Variants in PRELID2 observed in about 807,000 individuals in gnomAD.
PRELID2 encodes the protein PRELI domain containing 2.
In PRELID2, 25 loss-of-function variants were observed where a neutral mutation model predicts 28.4. The ratio of observed to expected loss-of-function variants is 0.88; its 90% CI spans 0.64 to 1.23. The LOEUF (loss-of-function observed/expected upper bound fraction) is 1.23. Ranked by LOEUF, PRELID2 falls within the 50% of genes most tolerant of loss-of-function variation. The pLI is 0.00. For missense variants in PRELID2, 201 were observed against 214.4 expected (o/e 0.94, Z 0.39); for synonymous variants, 76 against 71.6 (o/e 1.06, Z -0.31).
At chr5:145,509,938 T>C (rs1231406513) in intron 1 of PRELID2, among the ~76,000 whole-genome samples, 2 of 152,148 alleles carry the variant, frequency 1.3e-5, no homozygotes, top group East Asian at 3.9e-4. Flanking sequence ...AGGCATTTGA[T>C]AAACTGCACC....
chr5:145,707,445 A>C (rs1363441175), intron 1 of PRELID2, among the ~76,000 whole-genome samples: 1 of 152,194 alleles, frequency 6.6e-6, no homozygotes, highest in African/African-American at 2.4e-5. Flanking sequence ...AATAAACCAC[A>C]ATAGAGAATA....
chr5:145,498,330 T>C (rs1269577287), intron 1 of PRELID2, among the ~76,000 whole-genome samples: 1 of 152,192 alleles, frequency 6.6e-6, no homozygotes, highest in African/African-American at 2.4e-5. Flanking sequence ...AAAAATATGA[T>C]ATATGTTAAC....
chr5:145,252,608 T>G, the PRELID2 span, among the ~76,000 whole-genome samples: 1 of 152,152 alleles, frequency 6.6e-6, no homozygotes, highest in Non-Finnish European at 1.5e-5. Context: ...AAGGTGTTAA[T>G]GTGCTAGCCT....
At chr5:145,615,358 C>T (rs1195832493) in intron 1 of PRELID2, among the ~76,000 whole-genome samples, 4 of 103,568 alleles carry the variant, frequency 3.9e-5, no homozygotes, top group South Asian at 3.1e-4. Context: ...GACGGAGTCT[C>T]GCTGTCGCCC....
At chr5:145,428,277 T>A in the PRELID2 span, among the ~76,000 whole-genome samples, 1 of 152,042 alleles carries the variant, frequency 6.6e-6, no homozygotes, top group African/African-American at 2.4e-5. Flanking sequence ...CAATTTCTAC[T>A]TCTATTGGTG....
chr5:145,830,295 A>G (rs927538016), intron 1 of PRELID2, among the ~76,000 whole-genome samples: 10 of 152,238 alleles, frequency 6.6e-5, no homozygotes, highest in Non-Finnish European at 1.5e-4. Flanking sequence ...TCTGAAGGTA[A>G]GAAAAATCTT....
intron 1 of PRELID2, among the ~76,000 whole-genome samples, chr5:145,587,614 C>T (rs915712995): frequency 2.6e-5 from 4 of 152,094 alleles, no homozygotes; most frequent in African/African-American, 9.7e-5. Flanking sequence ...TTTTCTATCG[C>T]ACTTTGAGAA....
At chr5:145,432,299 T>A in the PRELID2 span, among the ~76,000 whole-genome samples, 3 of 152,088 alleles carry the variant, frequency 2.0e-5, no homozygotes, top group South Asian at 6.2e-4. Context: ...CAGTCAATAA[T>A]TTTTTTGTAA....
At chr5:145,464,943 A>G in the PRELID2 span, among the ~76,000 whole-genome samples, 1 of 152,154 alleles carries the variant, frequency 6.6e-6, no homozygotes, top group East Asian at 1.9e-4. Context: ...CCTAAAGTAA[A>G]GTCCCTCAAA....
At chr5:145,542,442 A>G (rs1348847313) in intron 1 of PRELID2, among the ~76,000 whole-genome samples, 3 of 152,136 alleles carry the variant, frequency 2.0e-5, no homozygotes, top group Non-Finnish European at 4.4e-5. Context: ...TGTGACAGGC[A>G]CTTAGTAGAC....
At chr5:145,464,364 A>T in the PRELID2 span, among the ~76,000 whole-genome samples, 1 of 152,204 alleles carries the variant, frequency 6.6e-6, no homozygotes, top group African/African-American at 2.4e-5. Context: ...TTGTTATGAC[A>T]ATAGAAAGTT....
chr5:145,445,769 TCAA>T, the PRELID2 span, among the ~76,000 whole-genome samples: 1 of 145,692 alleles, frequency 6.9e-6, no homozygotes, highest in Non-Finnish European at 1.5e-5. Flanking sequence ...CACACACACA[TCAA>T]CATCACTAAT....
chr5:145,354,121 G>A, the PRELID2 span, among the ~76,000 whole-genome samples: 3 of 151,998 alleles, frequency 2.0e-5, no homozygotes, highest in Admixed American at 6.6e-5. Context: ...ACACTCACTC[G>A]ATCTTAGCAA....
chr5:145,295,702 C>T, the PRELID2 span, among the ~76,000 whole-genome samples: 1 of 152,246 alleles, frequency 6.6e-6, no homozygotes, highest in Non-Finnish European at 1.5e-5. Flanking sequence ...GATGTTCTAA[C>T]TGAAAACAAA....
intron 1 of PRELID2, among the ~76,000 whole-genome samples, chr5:145,533,418 A>G (rs1411059146): frequency 6.6e-6 from 1 of 152,124 alleles, no homozygotes; most frequent in Non-Finnish European, 1.5e-5. Flanking sequence ...AGAAAATATC[A>G]AAGTTATTGT....
chr5:145,570,663 C>A (rs1753007876), intron 1 of PRELID2, among the ~76,000 whole-genome samples: 1 of 152,180 alleles, frequency 6.6e-6, no homozygotes, highest in Non-Finnish European at 1.5e-5. Context: ...CATGTCTCAT[C>A]CCCTCCTCTG....
chr5:145,262,777 GA>G, the PRELID2 span, among the ~76,000 whole-genome samples: 9 of 147,470 alleles, frequency 6.1e-5, no homozygotes, highest in East Asian at 3.9e-4. Context: ...ATAACACAAT[GA>G]AAAAAAAACA....
chr5:145,513,489 GAAA>G (rs1471271256), intron 1 of PRELID2, among the ~76,000 whole-genome samples: 1 of 152,050 alleles, frequency 6.6e-6, no homozygotes, highest in African/African-American at 2.4e-5. Context: ...GGGACTATGT[GAAA>G]AGACCGAATC....
intron 1 of PRELID2, among the ~76,000 whole-genome samples, chr5:145,554,643 T>C (rs963988207): frequency 1.3e-5 from 2 of 152,220 alleles, no homozygotes; most frequent in Non-Finnish European, 2.9e-5. Flanking sequence ...ATGTGTGTAA[T>C]AGGGCTGTGT....
Sources: allele counts gnomAD v4.1 joint callset (sites outside exome capture counted in the v4.1 genomes callset), GRCh38; gene constraint gnomAD v4.1.1; transcripts MANE v1.5; gene names NCBI Gene and HGNC (gene_info 2026-07-23, HGNC 2026-07-21).